Variants in XKR4 observed in about 807,000 individuals in gnomAD.
XKR4 encodes XK related 4.
XKR4 carries 12 observed loss-of-function variants against 53.9 expected under a neutral mutation model. The ratio of observed to expected loss-of-function variants is 0.22; its 90% confidence interval spans 0.14 to 0.36. XKR4 has a LOEUF of 0.36. XKR4 is among the 10% of genes least tolerant of loss of function. XKR4 has a pLI of 1.00. For synonymous variants in XKR4, 354 were observed against 362.4 expected, an observed-to-expected ratio of 0.98 and a Z score of 0.26; for missense variants, 799 against 859.5, an observed-to-expected ratio of 0.93 and a Z score of 0.88.
intron 1 of XKR4, among the ~76,000 whole-genome samples, chr8:55,254,656 G>A (rs567215397): frequency 6.6e-6 from 1 of 152,238 alleles, no homozygotes; most frequent in African/African-American, 2.4e-5. Flanking sequence ...GGTTGTGCCT[G>A]GAGGCTGGGG....
intron 2 of XKR4, among the ~76,000 whole-genome samples, chr8:55,404,445 G>C (rs1431552790): frequency 6.6e-6 from 1 of 152,190 alleles, no homozygotes; most frequent in Non-Finnish European, 1.5e-5. Flanking sequence ...AAAGCCACCT[G>C]TATGTTGAAC....
At chr8:55,121,437 G>A (rs564345252) in intron 1 of XKR4, among the ~76,000 whole-genome samples, 7 of 152,188 alleles carry the variant, frequency 4.6e-5, no homozygotes, top group Non-Finnish European at 1.0e-4. Context: ...TTAAGATACC[G>A]TGAACTTGTC....
chr8:55,487,070 T>G (rs1270313768), intron 2 of XKR4, among the ~76,000 whole-genome samples: 1 of 152,208 alleles, frequency 6.6e-6, no homozygotes, highest in Non-Finnish European at 1.5e-5. Context: ...ACAGACTGTC[T>G]GCAAGCTGGA....
At chr8:55,180,796 G>T (rs1356639747) in intron 1 of XKR4, among the ~76,000 whole-genome samples, 9 of 152,316 alleles carry the variant, frequency 5.9e-5, no homozygotes, top group South Asian at 2.1e-4. Flanking sequence ...GCCTCCCAAA[G>T]TGCTGGGATT....
At chr8:55,246,312 G>A (rs534600770) in intron 1 of XKR4, among the ~76,000 whole-genome samples, 3 of 152,326 alleles carry the variant, frequency 2.0e-5, no homozygotes, top group South Asian at 4.1e-4. Context: ...CACAATCTGA[G>A]GGCAGCCACT....
intron 1 of XKR4, among the ~76,000 whole-genome samples, chr8:55,302,412 T>C (rs1315186169): frequency 1.3e-5 from 2 of 152,254 alleles, no homozygotes; most frequent in South Asian, 2.1e-4. Flanking sequence ...TGTAGTATAG[T>C]TTGAAGTCAG....
At chr8:55,291,094 T>G (rs190970333) in intron 1 of XKR4, among the ~76,000 whole-genome samples, 14 of 152,326 alleles carry the variant, frequency 9.2e-5, no homozygotes, top group Admixed American at 8.5e-4. Flanking sequence ...AGGTGTCTGA[T>G]TGTTCCAAGC....
chr8:55,515,762 C>A (rs1806703877), intron 2 of XKR4, among the ~76,000 whole-genome samples: 2 of 152,172 alleles, frequency 1.3e-5, no homozygotes, highest in African/African-American at 2.4e-5. Flanking sequence ...AATATGGTTG[C>A]TACAGTCCTA....
chr8:55,284,791 C>T (rs1185800653), intron 1 of XKR4, among the ~76,000 whole-genome samples: 1 of 152,166 alleles, frequency 6.6e-6, no homozygotes, highest in African/African-American at 2.4e-5. Context: ...AATTAGTCTC[C>T]ACCTTCTGAG....
At chr8:55,473,617 G>A (rs1432053957) in intron 2 of XKR4, among the ~76,000 whole-genome samples, 1 of 152,092 alleles carries the variant, frequency 6.6e-6, no homozygotes, top group African/African-American at 2.4e-5. Flanking sequence ...AAGTGTGCCA[G>A]TTTCTCAGAG....
chr8:55,291,054 A>G (rs1819011632), intron 1 of XKR4, among the ~76,000 whole-genome samples: 1 of 152,092 alleles, frequency 6.6e-6, no homozygotes. Flanking sequence ...AAAATGTGAG[A>G]TTTAGGTTAA....
rs1298894560 is a variant in XKR4 at position 55,102,744 on chromosome 8, CCGGGCGGCGGCGGGG to C, written c.262_276del (p.Gly88_Gly92del). ...GGGCGGCTCCGGCGGCGTCGCCGGC[CCGGGCGGCGGCGGGG>C]CGGGCTCGGCTGCGCTGTGCCTGCG... On this transcript the variant is annotated inframe_deletion, in exon 1 of 3. Transcript: ENST00000327381. The surrounding 1 kb of genome is among the most constrained non-coding windows in gnomAD (Gnocchi z 5.1). 1 of 1,219,360 alleles carries C rather than the reference CCGGGCGGCGGCGGGG, an allele frequency of 8.2e-7. No homozygotes were observed. The highest frequency in any genetic ancestry group is 1.6e-5 in the African/African-American group (1 of 63,258). 75.5% of individuals were successfully genotyped at this position (1,219,360 alleles called of 1,614,324 possible). A position where few individuals can be genotyped will look rare whatever the true frequency, so the allele number is the denominator to read the frequency against.
At chr8:55,240,842 T>C (rs1818200781) in intron 1 of XKR4, among the ~76,000 whole-genome samples, 1 of 152,224 alleles carries the variant, frequency 6.6e-6, no homozygotes, top group African/African-American at 2.4e-5. Context: ...ATGATTGAGT[T>C]GCACATGGTG....
In XKR4 at chr8:55,150,835, T is replaced by A. The variant is rs1402505980; in HGVS notation, c.806+47541T>A. Among the ~76,000 whole-genome samples the A allele has an allele frequency of 2.6e-5, 4 of 152,290 alleles. No individual in the cohort carries two copies. The South Asian group carries it at 6.2e-4, about 24-fold the overall frequency. On this transcript the variant is annotated intron_variant, in intron 1 of 2. Coordinates refer to ENST00000327381, the MANE Select transcript of XKR4 (RefSeq NM_052898.2). ...CTCCACAATACTGGTGCATAGTAAG[T>A]GCCAAAAGTCATTGGAAAAAAAGAA... is the stretch of plus-strand genomic sequence containing the variant.
intron 2 of XKR4, among the ~76,000 whole-genome samples, chr8:55,444,574 T>G (rs562909683): frequency 6.6e-6 from 1 of 152,326 alleles, no homozygotes; most frequent in East Asian, 1.9e-4. Context: ...AAATTACTAA[T>G]AAACTTTGCA....
intron 2 of XKR4, among the ~76,000 whole-genome samples, chr8:55,394,045 C>T (rs917857480): frequency 2.0e-5 from 3 of 152,046 alleles, no homozygotes; most frequent in African/African-American, 7.2e-5. Context: ...AGAACAAATG[C>T]AATAAATCGA....
intron 2 of XKR4, among the ~76,000 whole-genome samples, chr8:55,509,586 T>C (rs1806592927): frequency 6.6e-6 from 1 of 152,210 alleles, no homozygotes; most frequent in African/African-American, 2.4e-5. Flanking sequence ...GAAGAATCTC[T>C]CTATAATCAT....
intron 2 of XKR4, among the ~76,000 whole-genome samples, chr8:55,382,975 G>A (rs1021757882): frequency 1.3e-5 from 2 of 152,168 alleles, no homozygotes; most frequent in Non-Finnish European, 1.5e-5. Flanking sequence ...CACTTTGGGA[G>A]GCTGAGGCGG....
At chr8:55,157,920 C>T (rs553759244) in intron 1 of XKR4, among the ~76,000 whole-genome samples, 8 of 152,292 alleles carry the variant, frequency 5.3e-5, no homozygotes, top group African/African-American at 1.9e-4. Flanking sequence ...ATCCAATCCA[C>T]TGTTGATGGG....
Sources: allele counts gnomAD v4.1 joint callset (sites outside exome capture counted in the v4.1 genomes callset), GRCh38; gene constraint gnomAD v4.1.1; non-coding constraint Gnocchi (gnomAD v3.1); transcripts MANE v1.5; gene names NCBI Gene and HGNC (gene_info 2026-07-23, HGNC 2026-07-21).